The following TLK1 variants were observed in gnomAD, a reference collection of about 807,000 sequenced individuals.
TLK1 encodes the protein tousled like kinase 1.
A neutral mutation model predicts 105.3 loss-of-function variants in TLK1; 24 were observed. That is an observed-to-expected ratio of 0.23 (90% CI 0.17 to 0.32). The LOEUF is 0.32. Ranked by LOEUF, TLK1 falls within the 10% of genes least tolerant of loss-of-function variation. The pLI, the probability that TLK1 is intolerant of heterozygous loss-of-function variation, is 1.00. For missense variants in TLK1, 558 were observed against 910.5 expected, an observed-to-expected ratio of 0.61 and a Z score of 4.98; for synonymous variants, 321 against 310.4, an observed-to-expected ratio of 1.03 and a Z score of -0.36.
intron 2 of TLK1, among the ~76,000 whole-genome samples, chr2:171,106,560 A>C (rs968743276): frequency 6.6e-6 from 1 of 152,196 alleles, no homozygotes; most frequent in Non-Finnish European, 1.5e-5. Context: ...TGCTGCTGGC[A>C]AATATACTGC....
At chr2:171,010,603 C>CT (rs1207928783) in intron 14 of TLK1, among the ~76,000 whole-genome samples, 1 of 119,950 alleles carries the variant, frequency 8.3e-6, no homozygotes, top group Non-Finnish European at 1.6e-5. Context: ...AAAGGTTAGG[C>CT]TAAAAGATAC....
At chr2:171,131,657 C>G (rs530608966) in intron 1 of TLK1, among the ~76,000 whole-genome samples, 5 of 152,096 alleles carry the variant, frequency 3.3e-5, no homozygotes, top group Non-Finnish European at 7.4e-5. Context: ...AAAAAACTGT[C>G]AGGAAAGAAG....
chr2:171,120,406 G>T (rs1690607628), intron 1 of TLK1, among the ~76,000 whole-genome samples: 1 of 151,872 alleles, frequency 6.6e-6, no homozygotes, highest in Non-Finnish European at 1.5e-5. Flanking sequence ...TCTGATAAAG[G>T]ATTGATATCC....
intron 1 of TLK1, among the ~76,000 whole-genome samples, chr2:171,215,799 T>C (rs1346167942): frequency 2.0e-5 from 3 of 152,208 alleles, no homozygotes; most frequent in Non-Finnish European, 4.4e-5. Flanking sequence ...GGAAGTTCGG[T>C]TCCTCTTAGA....
intron 3 of TLK1, among the ~76,000 whole-genome samples, chr2:171,080,996 G>A (rs945079414): frequency 2.6e-5 from 4 of 152,046 alleles, no homozygotes; most frequent in Non-Finnish European, 4.4e-5. Flanking sequence ...GTGAGCCCCC[G>A]TACATGGCCC....
At chr2:171,156,732 T>G (rs1263804594) in intron 1 of TLK1, among the ~76,000 whole-genome samples, 2 of 152,256 alleles carry the variant, frequency 1.3e-5, no homozygotes, top group African/African-American at 4.8e-5. Context: ...GTTTTTAACA[T>G]CTCATTACTA....
intron 1 of TLK1, among the ~76,000 whole-genome samples, chr2:171,122,093 C>G (rs1039136352): frequency 2.0e-5 from 3 of 152,170 alleles, no homozygotes; most frequent in African/African-American, 7.2e-5. Context: ...ACTACAGGTG[C>G]TCACCACCAC....
intron 1 of TLK1, among the ~76,000 whole-genome samples, chr2:171,166,530 T>A (rs1692613021): frequency 6.6e-6 from 1 of 152,282 alleles, no homozygotes; most frequent in South Asian, 2.1e-4. Flanking sequence ...CAGATTAAAC[T>A]ATGAATATTG....
At position 171,160,476 on chromosome 2, in the gene TLK1, G is replaced by T. The variant is rs1316544087; in HGVS notation, c.-48C>A. On this transcript the variant is annotated 5_prime_UTR_variant, in exon 1 of 21. Coordinates refer to ENST00000431350, the MANE Select transcript of TLK1 (RefSeq NM_012290.5). The surrounding 1 kb of genome is among the most constrained non-coding windows in gnomAD (Gnocchi z 4.4). ...ACTCCCCCCCTGCGACGGCAGCGGC[G>T]GCAACGGCACCGGCACCCGCCTCCG... 8 of 1,572,264 alleles carry T rather than the reference G, an allele frequency of 5.1e-6. No homozygotes were observed. Among genetic ancestry groups the T allele is most frequent in the Non-Finnish European group, 6.0e-6 (7 of 1,163,748 alleles).
intron 1 of TLK1, among the ~76,000 whole-genome samples, chr2:171,197,317 G>A (rs1693293946): frequency 6.6e-6 from 1 of 152,006 alleles, no homozygotes; most frequent in African/African-American, 2.4e-5. Context: ...TTGAGGAAAA[G>A]GAAACTGGTT....
At chr2:171,037,612 G>A (rs71415235) in intron 11 of TLK1, among the ~76,000 whole-genome samples, 28,777 of 151,896 alleles carry the variant, frequency 0.19, 3,054 homozygotes, top group Non-Finnish European at 0.24. Flanking sequence ...AAAATTTTTC[G>A]TATCTATTAA....
intron 1 of TLK1, among the ~76,000 whole-genome samples, chr2:171,189,952 A>G (rs1313348502): frequency 6.6e-6 from 1 of 152,216 alleles, no homozygotes; most frequent in East Asian, 1.9e-4. Context: ...AAGAAAAGAA[A>G]AAAGGGCAGA....
chr2:171,024,340 A>C (rs926621016), intron 12 of TLK1, among the ~76,000 whole-genome samples: 5 of 152,184 alleles, frequency 3.3e-5, no homozygotes, highest in African/African-American at 1.2e-4. Context: ...TTAGTTAATA[A>C]TAAAGAAATA....
chr2:171,035,416 C>T (rs1053666623), intron 11 of TLK1, among the ~76,000 whole-genome samples: 3 of 151,972 alleles, frequency 2.0e-5, no homozygotes, highest in Non-Finnish European at 4.4e-5. Context: ...GTGAGATGTG[C>T]CTTTCACCTT....
At chr2:171,141,431 T>C (rs1347908609) in intron 1 of TLK1, among the ~76,000 whole-genome samples, 2 of 152,178 alleles carry the variant, frequency 1.3e-5, no homozygotes, top group Non-Finnish European at 2.9e-5. Flanking sequence ...GGCAGTGCAG[T>C]CCTACGTCAC....
intron 1 of TLK1, among the ~76,000 whole-genome samples, chr2:171,217,427 C>T (rs750999699): frequency 6.6e-6 from 1 of 152,070 alleles, no homozygotes. Context: ...GTTTCTGGAC[C>T]CTCCTGTTCC....
intron 1 of TLK1, among the ~76,000 whole-genome samples, chr2:171,167,599 C>A (rs769409863): frequency 1.3e-5 from 2 of 152,050 alleles, no homozygotes; most frequent in African/African-American, 4.8e-5. Flanking sequence ...ATATAATAGG[C>A]TAGATTACAC....
chr2:171,200,356 G>C (rs921542545), intron 1 of TLK1, among the ~76,000 whole-genome samples: 2 of 152,066 alleles, frequency 1.3e-5, no homozygotes, highest in African/African-American at 4.8e-5. Context: ...TAAAATTTTG[G>C]TCTGTGCAAC....
chr2:171,112,235 C>A (rs931865348), intron 2 of TLK1, among the ~76,000 whole-genome samples: 1 of 152,200 alleles, frequency 6.6e-6, no homozygotes, highest in Non-Finnish European at 1.5e-5. Flanking sequence ...CAGGTGTGAG[C>A]CACCACGCCT....
Sources: allele counts gnomAD v4.1 joint callset (sites outside exome capture counted in the v4.1 genomes callset), GRCh38; gene constraint gnomAD v4.1.1; non-coding constraint Gnocchi (gnomAD v3.1); transcripts MANE v1.5; gene names NCBI Gene and HGNC (gene_info 2026-07-23, HGNC 2026-07-21).